Variants in RBP7 observed in about 807,000 individuals in gnomAD.
The protein encoded by RBP7 is retinoid-binding protein 7.
A neutral mutation model predicts 16.7 loss-of-function variants in RBP7; 13 were observed. That is an observed-to-expected ratio of 0.78 (90% CI 0.51 to 1.24). The LOEUF (loss-of-function observed/expected upper bound fraction) is 1.24. RBP7 is among the 50% of genes most tolerant of loss of function. The probability of loss-of-function intolerance (pLI) is 0.00; values close to 1 mark genes in which losing one functional copy is unlikely to be tolerated. For synonymous variants in RBP7, 54 were observed against 56.2 expected (o/e 0.96, Z 0.17); for missense variants, 145 against 159.5 (o/e 0.91, Z 0.49).
intron 1 of RBP7, among the ~76,000 whole-genome samples, chr1:10,000,962 C>T (rs975721889): frequency 6.6e-6 from 1 of 152,250 alleles, no homozygotes; most frequent in East Asian, 1.9e-4. Flanking sequence ...TCTTGAACTC[C>T]TGACCTCGTG....
intron 1 of RBP7, among the ~76,000 whole-genome samples, chr1:10,001,055 A>G (rs1642266313): frequency 6.6e-6 from 1 of 152,108 alleles, no homozygotes; most frequent in Non-Finnish European, 1.5e-5. Context: ...TTTTAGTAGT[A>G]GAAGTGAGGT....
chr1:10,007,368 G>A (rs965873517), intron 1 of RBP7, among the ~76,000 whole-genome samples: 4 of 152,014 alleles, frequency 2.6e-5, no homozygotes, highest in Non-Finnish European at 5.9e-5. Flanking sequence ...TACTGCACCT[G>A]GCATTTGCAA....
chr1:9,997,439 C>A lies in RBP7; in HGVS notation c.73+108C>A. On this transcript the variant is annotated intron_variant, in intron 1 of 3. Transcript: ENST00000294435. The surrounding 1 kb of genome is among the most constrained non-coding windows in gnomAD (Gnocchi z 5.9). ...GGTACGTCCTCTGTCCGTGCCTCCG[C>A]CCTGCTGCGCCCACCGTCGCCCAGT... is the stretch of plus-strand genomic sequence containing the variant. 1 of 1,026,100 alleles carries A rather than the reference C, an allele frequency of 9.7e-7. No individual in the cohort carries two copies. Among genetic ancestry groups the A allele is most frequent in the Non-Finnish European group, 1.4e-6 (1 of 692,564 alleles). 63.6% of individuals were successfully genotyped at this position (1,026,100 alleles called of 1,614,324 possible).
Position 9,997,468 on chromosome 1 carries a change from C to A in RBP7, c.73+137C>A. On this transcript the variant is annotated intron_variant, in intron 1 of 3. Coordinates refer to ENST00000294435, the MANE Select transcript of RBP7 (RefSeq NM_052960.3). The surrounding 1 kb of genome is among the most constrained non-coding windows in gnomAD (Gnocchi z 5.9). Reference sequence around the variant, plus strand: ...GCTGCGCCCACCGTCGCCCAGTCGCCCCCGAGTCCGCTGGTCCTTGGCGCC... The same window carrying A: ...GCTGCGCCCACCGTCGCCCAGTCGCACCCGAGTCCGCTGGTCCTTGGCGCC... 2.6e-6 allele frequency: 2 copies of A among 777,330 alleles called. No homozygotes were observed. The highest frequency in any genetic ancestry group is 2.7e-5 in the Admixed American group (1 of 36,514). 48.2% of individuals were successfully genotyped at this position (777,330 alleles called of 1,614,324 possible).
Position 10,007,720 on chromosome 1 carries a change from A to C in RBP7, c.224A>C (p.Asn75Thr), listed in dbSNP as rs1642485588. ...GTTGGAGAAGAATTTGATGAAGATAACAGAGGCCTGGACAACAGAAAATGC... is the reference window on the plus strand; with the variant it reads ...GTTGGAGAAGAATTTGATGAAGATACCAGAGGCCTGGACAACAGAAAATGC... Reference protein sequence around the residue: ...FKVGEEFDEDNRGLDNRKCKS... With the variant: ...FKVGEEFDEDTRGLDNRKCKS... Residue 75 changes from asparagine (N) to threonine (T), a missense_variant, in exon 2 of 4, where the codon AAC (asparagine) becomes ACC (threonine). By Grantham distance (65) the Asn-to-Thr change is moderately conservative. Transcript: ENST00000294435. 6.2e-7 allele frequency: 1 copy of C among 1,613,650 alleles called. No individual in the cohort carries two copies. The highest frequency in any genetic ancestry group is 1.3e-5 in the African/African-American group (1 of 74,804).
At chr1:10,006,482 C>T (rs1377938951) in intron 1 of RBP7, among the ~76,000 whole-genome samples, 1 of 151,974 alleles carries the variant, frequency 6.6e-6, no homozygotes, top group African/African-American at 2.4e-5. Flanking sequence ...TGCACTTCAG[C>T]CTGGGTGACA....
intron 3 of RBP7, 76 bp from the exon 4 acceptor site, chr1:10,015,705 TA>T (rs1642757353): frequency 2.4e-6 from 3 of 1,254,870 alleles, no homozygotes; most frequent in African/African-American, 2.9e-5. Flanking sequence ...TAAAACACAA[TA>T]AAAAATAAGT....
chr1:10,000,448 C>T (rs965830782), intron 1 of RBP7, among the ~76,000 whole-genome samples: 2 of 149,818 alleles, frequency 1.3e-5, no homozygotes, highest in African/African-American at 4.9e-5. Context: ...GCACGAGAAT[C>T]GCTTGAACCT....
At position 10,004,948 on chromosome 1, in the gene RBP7, G is replaced by C. The variant is rs945381300; in HGVS notation, c.74-2622G>C. Among the ~76,000 whole-genome samples the C allele has an allele frequency of 3.9e-5, 6 of 152,208 alleles. No homozygotes were observed. The East Asian group carries it at 1.2e-3, about 29-fold the overall frequency. On this transcript the variant is annotated intron_variant, in intron 1 of 3. Coordinates refer to ENST00000294435, the MANE Select transcript of RBP7 (RefSeq NM_052960.3). ...GCAAAGGCTGCAGTGAGCCGAGATT[G>C]CACCACTGCAGTCCAGCCTGGGCAA... is the stretch of plus-strand genomic sequence containing the variant.
At position 10,007,745 on chromosome 1, in the gene RBP7, C is replaced by A. The variant is rs1328404583; in HGVS notation, c.249C>A (p.Cys83Ter). The A allele has an allele frequency of 6.2e-7, 1 of 1,610,472 alleles. No individual in the cohort carries two copies. The highest frequency in any genetic ancestry group is 2.2e-5 in the East Asian group (1 of 44,846). The stretch of plus-strand genomic sequence containing the variant: ...ACAGAGGCCTGGACAACAGAAAATG[C>A]AAGGTAAAATGTAAAGAAATGCCAG... ...EDNRGLDNRKCKSLVIWDNDR... is the reference protein window; with the variant it reads ...EDNRGLDNRK The change falls in exon 2 of 4, where the codon TGC becomes TGA. Residue 83 changes from cysteine to a stop codon, truncating the protein, a stop_gained. Transcript: ENST00000294435. LOFTEE classifies it high-confidence loss of function.
At chr1:10,008,071 G>A in intron 2 of RBP7, 102 bp from the exon 3 acceptor site, 1 of 706,274 alleles carries the variant, frequency 1.4e-6, no homozygotes, top group Admixed American at 2.6e-5. Flanking sequence ...AAAAAAAGCA[G>A]TAAGTAGGCT....
At position 10,001,809 on chromosome 1, in the gene RBP7, G is replaced by A. The variant is rs895704080; in HGVS notation, c.73+4478G>A. Among the ~76,000 whole-genome samples, 17 of 145,626 alleles carry A rather than the reference G, an allele frequency of 1.2e-4. 1 individual carries two copies. The South Asian group carries it at 3.0e-3, about 26-fold the overall frequency. On this transcript the variant is annotated intron_variant, in intron 1 of 3. Coordinates refer to ENST00000294435, the MANE Select transcript of RBP7 (RefSeq NM_052960.3). Reference sequence around the variant, plus strand: ...GGGATATATTTATTTAATTTAATTAGTTTATTTATTTATTTATTTATTTAT... The same window carrying A: ...GGGATATATTTATTTAATTTAATTAATTTATTTATTTATTTATTTATTTAT...
At chr1:10,008,082 G>A (rs1344673055) in intron 2 of RBP7, 91 bp from the exon 3 acceptor site, 2 of 802,180 alleles carry the variant, frequency 2.5e-6, no homozygotes, top group East Asian at 5.0e-5. Context: ...TAAGTAGGCT[G>A]TTGATTTTGC....
intron 3 of RBP7, among the ~76,000 whole-genome samples, chr1:10,013,955 G>A (rs1229735087): frequency 1.3e-5 from 2 of 152,142 alleles, no homozygotes; most frequent in Admixed American, 6.6e-5. Flanking sequence ...CAGCCTGGGC[G>A]AAGGAGTAAG....
At chr1:10,011,178 C>T (rs1642606359) in intron 3 of RBP7, among the ~76,000 whole-genome samples, 1 of 151,874 alleles carries the variant, frequency 6.6e-6, no homozygotes, top group Admixed American at 6.6e-5. Flanking sequence ...TTTTCTTCCC[C>T]CTCATTCTTG....
At chr1:10,003,179 C>T (rs1642328167) in intron 1 of RBP7, among the ~76,000 whole-genome samples, 1 of 152,154 alleles carries the variant, frequency 6.6e-6, no homozygotes, top group Non-Finnish European at 1.5e-5. Flanking sequence ...GTAATCCCAG[C>T]ACTTTGGGAG....
intron 1 of RBP7, among the ~76,000 whole-genome samples, chr1:10,002,937 G>C (rs756844006): frequency 2.0e-5 from 3 of 152,150 alleles, no homozygotes; most frequent in African/African-American, 7.2e-5. Flanking sequence ...AGCCAGAAGC[G>C]GGGCTTGGGA....
chr1:10,013,690 G>T (rs931945558), intron 3 of RBP7, among the ~76,000 whole-genome samples: 1 of 151,970 alleles, frequency 6.6e-6, no homozygotes, highest in African/African-American at 2.4e-5. Flanking sequence ...GGCACCTGTA[G>T]TCCCAGCTAC....
intron 1 of RBP7, among the ~76,000 whole-genome samples, chr1:10,007,334 T>C (rs1299531919): frequency 6.6e-6 from 1 of 152,022 alleles, no homozygotes; most frequent in Non-Finnish European, 1.5e-5. Flanking sequence ...TCCTCCTGTC[T>C]TCTGTGTCCC....
Sources: gnomAD v4.1 joint callset for allele counts (sites outside exome capture counted in the v4.1 genomes callset) on GRCh38, gnomAD v4.1.1 for gene constraint, Gnocchi (gnomAD v3.1) non-coding constraint, MANE v1.5 for transcripts, NCBI Gene and HGNC (gene_info 2026-07-23, HGNC 2026-07-21) for gene names.